CCDC9B: variants seen among roughly 807,000 people sequenced by gnomAD.
CCDC9B encodes coiled-coil domain-containing protein 9B.
CCDC9B carries 40 observed loss-of-function variants against 47.2 expected under a neutral mutation model. The ratio of observed to expected loss-of-function variants is 0.85; its 90% confidence interval spans 0.66 to 1.10. The LOEUF is 1.10. Among genes scored for constraint, CCDC9B ranks in the 50% least tolerant of loss-of-function variants. CCDC9B has a pLI of 0.00. For missense variants in CCDC9B, 662 were observed against 651.0 expected (o/e 1.02, Z -0.18); for synonymous variants, 238 against 250.7 (o/e 0.95, Z 0.48).
chr15:40,338,458 A>G, intron 5 of CCDC9B, 77 bp downstream of exon 5: 3 of 1,528,022 alleles, frequency 2.0e-6, no homozygotes, highest in Admixed American at 3.6e-5. Flanking sequence ...AATGAGGGAC[A>G]TATCTGACTC....
At position 40,335,042 on chromosome 15, in the gene CCDC9B, G is replaced by A; in HGVS notation, c.*116C>T. ...GCCATGCTGGAGAGTTTGCCACACT[G>A]CTCAGTGACAATGGCGCAAGCCACC... is the stretch of plus-strand genomic sequence containing the variant. On this transcript the variant is annotated 3_prime_UTR_variant, in exon 11 of 11. Transcript: ENST00000397536. 1 of 1,029,656 alleles carries A rather than the reference G, an allele frequency of 9.7e-7. No individual in the cohort carries two copies. The highest frequency in any genetic ancestry group is 1.4e-6 in the Non-Finnish European group (1 of 721,380). The allele number at this position is 1,029,656 out of a possible 1,614,324, so 63.8% of individuals were successfully genotyped here. A position where few individuals can be genotyped will look rare whatever the true frequency, so the allele number is the denominator to read the frequency against.
Position 40,340,018 on chromosome 15 carries a change from G to A in CCDC9B, c.13-3C>T. 3 of 1,601,842 alleles carry A rather than the reference G, an allele frequency of 1.9e-6. No homozygotes were observed. The highest frequency in any genetic ancestry group is 2.6e-6 in the Non-Finnish European group (3 of 1,170,804). On this transcript the variant is annotated splice_region_variant and splice_polypyrimidine_tract_variant and intron_variant, in intron 1 of 10. Coordinates refer to ENST00000397536, the MANE Select transcript of CCDC9B (RefSeq NM_207380.3). ...GGGGACTCGGCTCTGGGAGTTCCCT[G>A]CAGAGGCAGGGAACCCAAGCTCCTG... is the stretch of plus-strand genomic sequence containing the variant.
rs1029120678 is a variant in CCDC9B at position 40,334,283 on chromosome 15, T to C, written c.*875A>G. 6.5e-6 allele frequency: 1 copy of C among 152,762 alleles called. No individual in the cohort carries two copies. The highest frequency in any genetic ancestry group is 2.4e-5 in the African/African-American group (1 of 41,428). 9.5% of individuals were successfully genotyped at this position (152,762 alleles called of 1,614,324 possible). On this transcript the variant is annotated 3_prime_UTR_variant, in exon 11 of 11. Coordinates refer to ENST00000397536, the MANE Select transcript of CCDC9B (RefSeq NM_207380.3). ...TCCTGATGTCATACTTAGCTGGAAG[T>C]TGTTTCTCTGTCTGTGGAGTAGCTG...
chr15:40,340,487 C>G (rs1889067816), intron 1 of CCDC9B: 4 of 428,252 alleles, frequency 9.3e-6, no homozygotes, highest in South Asian at 3.7e-5. Context: ...GACCCCGCAC[C>G]TAGGCCTGTG....
Position 40,340,894 on chromosome 15 carries a change from G to A in CCDC9B, c.-75C>T. On this transcript the variant is annotated 5_prime_UTR_variant, in exon 1 of 11. Coordinates refer to ENST00000397536, the MANE Select transcript of CCDC9B (RefSeq NM_207380.3). ...AGTGGGAGGAAAGCTGGAGCCACCG[G>A]AGCCGGGCCTCTGCCGGCCTCTCCC... The A allele has an allele frequency of 1.2e-6, 2 of 1,608,458 alleles. No homozygotes were observed. Among genetic ancestry groups the A allele is most frequent in the Non-Finnish European group, 1.7e-6 (2 of 1,178,348 alleles).
Position 40,339,957 on chromosome 15 carries a change from C to T in CCDC9B, c.71G>A (p.Arg24Gln), listed in dbSNP as rs1186329775. The T allele has an allele frequency of 6.2e-6, 10 of 1,613,910 alleles. No homozygotes were observed. The East Asian group carries it at 1.3e-4, about 22-fold the overall frequency. The change falls in exon 2 of 11, where the codon CGG (arginine) becomes CAG (glutamine). Residue 24 changes from arginine (R) to glutamine (Q), a missense_variant. Transcript: ENST00000397536. ...CTTCTTGCGCAGGGCAACTATCCTC[C>T]GATCCAGCTCTGCGTCCTTCTCCTG... ...SRQEKDAELD[R>Q]RIVALRKKNQ...
chr15:40,337,768 C>T lies in CCDC9B; in HGVS notation c.639G>A (p.Gln213=). 6.2e-7 allele frequency: 1 copy of T among 1,609,404 alleles called. No individual in the cohort carries two copies. The highest frequency in any genetic ancestry group is 8.5e-7 in the Non-Finnish European group (1 of 1,179,638). Residue 213 remains glutamine, a synonymous_variant, in exon 6 of 11, where the codon CAG becomes CAA. Transcript: ENST00000397536. The part of the protein sequence containing the change: ...LARLARHRDA[Q]GDWRRPWDLD... ...GGTCCCACGGGCGGCGCCAGTCACC[C>T]TGTGCGTCTCTGTGCCGGGCGAGGC...
In CCDC9B at chr15:40,340,856, C is replaced by G; in HGVS notation, c.-37G>C. ...GCACCGAGAGAATTCCAGAGCAGCC[C>G]CTGGGGAGCCAGAGTGGGAGGAAAG... On this transcript the variant is annotated 5_prime_UTR_variant, in exon 1 of 11. Transcript: ENST00000397536. 6.2e-7 allele frequency: 1 copy of G among 1,609,558 alleles called. No homozygotes were observed. Among genetic ancestry groups the G allele is most frequent in the Admixed American group, 1.7e-5 (1 of 59,644 alleles).
rs536549980 is a variant in CCDC9B, at chr15:40,337,024, C to T, written c.743-211G>A. ...AGGTGTCTGGCCCCAACTCTCAGGC[C>T]ACAGCTTCTTTATATATAAAACAAG... On this transcript the variant is annotated intron_variant, in intron 7 of 10. Transcript: ENST00000397536. 89 of 599,334 alleles carry T rather than the reference C, an allele frequency of 1.5e-4. 1 individual carries two copies. The highest frequency in any genetic ancestry group is 2.3e-4 in the Non-Finnish European group (78 of 340,966). The allele number at this position is 599,334 out of a possible 1,614,324, so 37.1% of individuals were successfully genotyped here.
chr15:40,337,615 C>G, intron 6 of CCDC9B, 109 bp downstream of exon 6: 1 of 1,321,428 alleles, frequency 7.6e-7, no homozygotes, highest in Non-Finnish European at 1.0e-6. Flanking sequence ...GACCAGAATG[C>G]CCAGCAAGGT....
chr15:40,340,148 C>G, intron 1 of CCDC9B, 133 bp from the exon 2 acceptor site: 1 of 631,462 alleles, frequency 1.6e-6, no homozygotes, highest in Non-Finnish European at 2.8e-6. Context: ...AAGGGGATTG[C>G]TTAGGGAGAT....
At chr15:40,339,742 C>T (rs11634644) in intron 2 of CCDC9B, 123 bp from the exon 3 acceptor site, 372,134 of 1,492,486 alleles carry the variant, frequency 0.25, 49,176 homozygotes, top group Non-Finnish European at 0.27. Context: ...CCACATCACA[C>T]ATCCCCAGGA....
chr15:40,336,694 G>A lies in CCDC9B; in HGVS notation c.797-30C>T, dbSNP rs200478802. 1.4e-5 allele frequency: 23 copies of A among 1,607,560 alleles called. No homozygotes were observed. In the Admixed American group the frequency reaches 1.8e-4, roughly 13 times the overall value. On this transcript the variant is annotated intron_variant, in intron 8 of 10. Coordinates refer to ENST00000397536, the MANE Select transcript of CCDC9B (RefSeq NM_207380.3). ...AAGAGATGGTCGGCCAAGGAGAGAA[G>A]AGGCCCATAGCAGCCGGCTCCATCT...
chr15:40,333,497 T>A lies in CCDC9B; in HGVS notation c.*1661A>T, dbSNP rs1267712910. 1 of 141,516 alleles carries A rather than the reference T, an allele frequency of 7.1e-6. No homozygotes were observed. Among genetic ancestry groups the A allele is most frequent in the Admixed American group, 7.6e-5 (1 of 13,224 alleles). 8.8% of individuals were successfully genotyped at this position (141,516 alleles called of 1,614,324 possible). ...GAGAGGATCGCCTGAGCCTGGAGGGTTCGAGGCTGCAGTGAGCCATGATTG... is the reference window on the plus strand; with the variant it reads ...GAGAGGATCGCCTGAGCCTGGAGGGATCGAGGCTGCAGTGAGCCATGATTG... On this transcript the variant is annotated 3_prime_UTR_variant, in exon 11 of 11. Transcript: ENST00000397536.
Position 40,335,222 on chromosome 15 carries a change from C to T in CCDC9B, c.1409G>A (p.Arg470Lys). The T allele has an allele frequency of 6.3e-7, 1 of 1,581,052 alleles. No individual in the cohort carries two copies. Among genetic ancestry groups the T allele is most frequent in the South Asian group, 1.1e-5 (1 of 87,804 alleles). The part of the protein sequence containing the change: ...RSRPTRGGSQ[R>K]SRGTAGVRRR... ...CCTCACACCTGCTGTGCCTCTCGAC[C>T]TTTGGCTGCCTCCTCTCGTGGGCCG... The change falls in exon 11 of 11, where the codon AGG (arginine) becomes AAG (lysine). Residue 470 changes from arginine (R) to lysine (K), a missense_variant. Arg to Lys is a conservative substitution (Grantham distance 26). Transcript: ENST00000397536.
chr15:40,333,810 C>G lies in CCDC9B; in HGVS notation c.*1348G>C. The G allele has an allele frequency of 5.4e-6, 1 of 186,626 alleles. No individual in the cohort carries two copies. The highest frequency in any genetic ancestry group is 1.0e-5 in the Non-Finnish European group (1 of 99,700). 11.6% of individuals were successfully genotyped at this position (186,626 alleles called of 1,614,324 possible). A position where few individuals can be genotyped will look rare whatever the true frequency, so the allele number is the denominator to read the frequency against. On this transcript the variant is annotated 3_prime_UTR_variant, in exon 11 of 11. Coordinates refer to ENST00000397536, the MANE Select transcript of CCDC9B (RefSeq NM_207380.3). ...TGGAGAAATCCCAGGGTGATCTGGA[C>G]TCTCCCTAGAGCCCCACAGCCTTCA...
chr15:40,335,741 G>A (rs776359240), intron 10 of CCDC9B, 41 bp from the exon 11 acceptor site: 1 of 1,595,060 alleles, frequency 6.3e-7, no homozygotes. Flanking sequence ...TGAATCCAGG[G>A]CTCGCGTCCC....
chr15:40,336,278 C>T, intron 9 of CCDC9B: 1 of 985,440 alleles, frequency 1.0e-6, no homozygotes, highest in Non-Finnish European at 1.2e-6. Flanking sequence ...GCCAAACTTG[C>T]AGCACCTTGA....
Position 40,335,518 on chromosome 15 carries a change from AG to A in CCDC9B, c.1112del (p.Pro371LeufsTer10). On this transcript the variant is annotated frameshift_variant, in exon 11 of 11. Transcript: ENST00000397536. LOFTEE classifies it low-confidence loss of function (END_TRUNC). ...GGGAGAGGTCAAGAGGAGCCAAGTC[AG>A]GCTCCTGTGGAGAGCAGGGGACTGA... is the stretch of plus-strand genomic sequence containing the variant. ...ASSVPCSPQE[P>X]DLAPLDLSLG... 1 of 1,554,686 alleles carries A rather than the reference AG, an allele frequency of 6.4e-7. No individual in the cohort carries two copies.
Sources: gnomAD v4.1 joint callset for allele counts on GRCh38, gnomAD v4.1.1 for gene constraint, MANE v1.5 for transcripts, NCBI Gene and HGNC (gene_info 2026-07-23, HGNC 2026-07-21) for gene names.